The following KCNAB1 variants were observed in gnomAD, a reference collection of about 807,000 sequenced individuals.
KCNAB1 encodes potassium voltage-gated channel subfamily A regulatory beta subunit 1.
In KCNAB1, 35 loss-of-function variants were observed where a neutral mutation model predicts 64.6. The ratio of observed to expected loss-of-function variants is 0.54; its 90% CI spans 0.41 to 0.72. KCNAB1 has a LOEUF of 0.72. Among genes scored for constraint, KCNAB1 ranks in the 30% least tolerant of loss-of-function variants. The pLI is 0.00. For missense variants in KCNAB1, 401 were observed against 512.9 expected (o/e 0.78, Z 2.11); for synonymous variants, 177 against 183.8 (o/e 0.96, Z 0.30).
intron 2 of KCNAB1, among the ~76,000 whole-genome samples, chr3:156,431,883 G>A (rs779355617): frequency 6.6e-6 from 1 of 152,170 alleles, no homozygotes; most frequent in Non-Finnish European, 1.5e-5. Flanking sequence ...GACTGCAGAA[G>A]CTTCATGCCT....
chr3:156,440,458 C>A (rs1716911941), intron 2 of KCNAB1, among the ~76,000 whole-genome samples: 1 of 152,152 alleles, frequency 6.6e-6, no homozygotes, highest in South Asian at 2.1e-4. Flanking sequence ...TTCTCCTGAA[C>A]CATAATTAAT....
intron 1 of KCNAB1, among the ~76,000 whole-genome samples, chr3:156,301,446 T>C (rs1721149408): frequency 6.6e-6 from 1 of 152,224 alleles, no homozygotes; most frequent in Non-Finnish European, 1.5e-5. Flanking sequence ...TTTAAAAAAC[T>C]GAAAATGTTC....
chr3:156,249,736 A>G (rs1717708710), intron 1 of KCNAB1, among the ~76,000 whole-genome samples: 1 of 152,148 alleles, frequency 6.6e-6, no homozygotes, highest in Non-Finnish European at 1.5e-5. Flanking sequence ...ACCTTATACA[A>G]TCTGATCATT....
At chr3:156,475,353 CTGTT>C (rs1368790740) in intron 8 of KCNAB1, among the ~76,000 whole-genome samples, 1 of 152,168 alleles carries the variant, frequency 6.6e-6, no homozygotes, top group African/African-American at 2.4e-5. Flanking sequence ...TCTGTTATAA[CTGTT>C]TGAGGACCAC....
chr3:156,425,385 T>C (rs927148155), intron 2 of KCNAB1, among the ~76,000 whole-genome samples: 7 of 152,128 alleles, frequency 4.6e-5, no homozygotes, highest in African/African-American at 1.4e-4. Flanking sequence ...TGAAGTAACT[T>C]GAGAGTGAAC....
In KCNAB1 at chr3:156,387,014, C is replaced by CTCTTTTTTTTTTTTTTTTTT. The variant is rs60888308; in HGVS notation, c.276-34601_276-34600insCTTTTTTTTTTTTTTTTTTT. On this transcript the variant is annotated intron_variant, in intron 1 of 13. Coordinates refer to ENST00000490337, the MANE Select transcript of KCNAB1 (RefSeq NM_172160.3). ...TCTTGCTTGCTTGCTTTCTCTCTCT[C>CTCTTTTTTTTTTTTTTTTTT]TTTTTTTTTTTTTTTTTTTTGCCTG... is the stretch of plus-strand genomic sequence containing the variant. Among the ~76,000 whole-genome samples, 121 of 90,496 alleles carry CTCTTTTTTTTTTTTTTTTTT rather than the reference C, an allele frequency of 1.3e-3. 8 individuals carry two copies. Among genetic ancestry groups the CTCTTTTTTTTTTTTTTTTTT allele is most frequent in the African/African-American group, 3.9e-3 (71 of 18,360 alleles). 59.4% of individuals were successfully genotyped at this position (90,496 alleles called of 152,430 possible). A position where few individuals can be genotyped will look rare whatever the true frequency, so the allele number is the denominator to read the frequency against.
intron 1 of KCNAB1, chr3:156,143,569 G>GTTGTTTTTTTTTTTTTTTTTTTTTTTTT (rs1443482013): frequency 3.6e-6 from 1 of 281,598 alleles, no homozygotes; most frequent in African/African-American, 2.9e-5. Context: ...TTGCATTCTT[G>GTTGTTTTTTTTTTTTTTTTTTTTTTTTT]TTTTTTTTTT....
At position 156,282,187 on chromosome 3, in the gene KCNAB1, A is replaced by G. The variant is rs1260438795; in HGVS notation, c.276-139429A>G. Among the ~76,000 whole-genome samples, 641 of 144,106 alleles carry G rather than the reference A, an allele frequency of 4.4e-3. 3 individuals are homozygous for G. The highest frequency in any genetic ancestry group is 0.017 in the African/African-American group (606 of 35,904). 94.5% of individuals were successfully genotyped at this position (144,106 alleles called of 152,430 possible). Reference sequence around the variant, plus strand: ...TGTGTCTTTGTTCTCGTTGGTTTCAAAGAACATCTTTATTTCTGCCTTCAT... The same window carrying G: ...TGTGTCTTTGTTCTCGTTGGTTTCAGAGAACATCTTTATTTCTGCCTTCAT... On this transcript the variant is annotated intron_variant, in intron 1 of 13. Coordinates refer to ENST00000490337, the MANE Select transcript of KCNAB1 (RefSeq NM_172160.3).
intron 1 of KCNAB1, among the ~76,000 whole-genome samples, chr3:156,368,322 C>T (rs558041148): frequency 1.3e-5 from 2 of 152,300 alleles, no homozygotes; most frequent in South Asian, 2.1e-4. Context: ...AAAATCTCAA[C>T]GAATGCATCT....
intron 1 of KCNAB1, among the ~76,000 whole-genome samples, chr3:156,214,093 C>T (rs1349932828): frequency 2.0e-5 from 3 of 152,168 alleles, no homozygotes; most frequent in African/African-American, 7.2e-5. Context: ...GACAGATACC[C>T]CTGTGCTTGG....
At chr3:156,487,523 C>T (rs1416416203) in intron 8 of KCNAB1, among the ~76,000 whole-genome samples, 1 of 152,052 alleles carries the variant, frequency 6.6e-6, no homozygotes, top group Non-Finnish European at 1.5e-5. Context: ...CCAGTGAAGC[C>T]AATCATACAA....
chr3:156,354,998 C>G (rs555599588), intron 1 of KCNAB1, among the ~76,000 whole-genome samples: 1 of 152,256 alleles, frequency 6.6e-6, no homozygotes, highest in African/African-American at 2.4e-5. Flanking sequence ...AGTGTCAGAT[C>G]AGAGAAAGAT....
At chr3:156,449,136 A>T (rs1405448373) in intron 2 of KCNAB1, among the ~76,000 whole-genome samples, 1 of 152,216 alleles carries the variant, frequency 6.6e-6, no homozygotes, top group Non-Finnish European at 1.5e-5. Flanking sequence ...TGGAATAGGT[A>T]TGTAATAATG....
intron 1 of KCNAB1, among the ~76,000 whole-genome samples, chr3:156,178,598 C>A (rs558249894): frequency 2.6e-5 from 4 of 152,312 alleles, no homozygotes; most frequent in African/African-American, 9.6e-5. Flanking sequence ...TCTATTCAAC[C>A]TTGAAAGGAT....
chr3:156,271,266 A>G (rs888245955), intron 1 of KCNAB1, among the ~76,000 whole-genome samples: 2 of 152,078 alleles, frequency 1.3e-5, no homozygotes, highest in Non-Finnish European at 2.9e-5. Context: ...ATCCCTTTAA[A>G]TACACTTTCC....
At chr3:156,220,490 G>A (rs1207181701) in intron 1 of KCNAB1, among the ~76,000 whole-genome samples, 2 of 152,150 alleles carry the variant, frequency 1.3e-5, no homozygotes, top group African/African-American at 4.8e-5. Context: ...ATTTTTTCGT[G>A]TGTCTGTTGG....
chr3:156,288,416 A>C lies in KCNAB1; in HGVS notation c.276-133200A>C, dbSNP rs1397754568. On this transcript the variant is annotated intron_variant, in intron 1 of 13. Transcript: ENST00000490337. The stretch of plus-strand genomic sequence containing the variant: ...GTTTGTGGGTCTTACTGAAACCTGA[A>C]ATGATAGCAGTGAAGACTCTTCCCA... 3.3e-5 allele frequency among the ~76,000 whole-genome samples: 5 copies of C among 152,224 alleles called. No homozygotes were observed. The East Asian group carries it at 9.6e-4, about 29-fold the overall frequency.
chr3:156,206,451 T>C (rs951363638), intron 1 of KCNAB1, among the ~76,000 whole-genome samples: 5 of 152,158 alleles, frequency 3.3e-5, no homozygotes, highest in African/African-American at 1.2e-4. Context: ...AAGGAGAACC[T>C]TCCTGAGGCT....
At chr3:156,287,758 A>G (rs1720178779) in intron 1 of KCNAB1, among the ~76,000 whole-genome samples, 1 of 151,848 alleles carries the variant, frequency 6.6e-6, no homozygotes, top group Non-Finnish European at 1.5e-5. Context: ...CAGAGGTTGC[A>G]GTGAGCCAAC....
Sources: gnomAD v4.1 joint callset for allele counts (sites outside exome capture counted in the v4.1 genomes callset) on GRCh38, gnomAD v4.1.1 for gene constraint, MANE v1.5 for transcripts, NCBI Gene and HGNC (gene_info 2026-07-23, HGNC 2026-07-21) for gene names.